Variants in MAGI2 observed in about 807,000 individuals in gnomAD.
MAGI2 encodes membrane-associated guanylate kinase, WW and PDZ domain-containing protein 2.
In MAGI2, 35 loss-of-function variants were observed where a neutral mutation model predicts 133.3. That is an observed-to-expected ratio of 0.26 (90% confidence interval 0.20 to 0.35). MAGI2 has a LOEUF of 0.35. Among genes scored for constraint, MAGI2 ranks in the 10% least tolerant of loss-of-function variants. MAGI2 has a pLI of 1.00. For synonymous variants in MAGI2, 729 were observed against 710.6 expected, an observed-to-expected ratio of 1.03 and a Z score of -0.41; for missense variants, 1,636 against 1,863.4, an observed-to-expected ratio of 0.88 and a Z score of 2.25.
chr7:79,183,827 T>C lies in MAGI2; in HGVS notation c.302-176621A>G, dbSNP rs1382510132. ...CCTTTAAAAACAGGTAATTCTGTCA[T>C]TTGTGACAACATGAATGAAATTGGA... On this transcript the variant is annotated intron_variant, in intron 1 of 21. Coordinates refer to ENST00000354212, the MANE Select transcript of MAGI2 (RefSeq NM_012301.4). 5.3e-5 allele frequency among the ~76,000 whole-genome samples: 8 copies of C among 151,990 alleles called. No homozygotes were observed. In the East Asian group the frequency reaches 1.5e-3, roughly 29 times the overall value.
chr7:78,216,470 G>A (rs1197419232), intron 10 of MAGI2, among the ~76,000 whole-genome samples: 2 of 152,172 alleles, frequency 1.3e-5, no homozygotes, highest in Non-Finnish European at 2.9e-5. Flanking sequence ...AAAATCCTTT[G>A]TAGGACCCTA....
intron 1 of MAGI2, among the ~76,000 whole-genome samples, chr7:79,400,010 G>A (rs1386139631): frequency 6.6e-6 from 1 of 152,178 alleles, no homozygotes; most frequent in African/African-American, 2.4e-5. Flanking sequence ...TGTGAGTGCA[G>A]CAAAGGCTGT....
chr7:78,019,191 T>C lies in MAGI2; in HGVS notation c.*124A>G. The C allele has an allele frequency of 8.6e-7, 1 of 1,168,562 alleles. No homozygotes were observed. Among genetic ancestry groups the C allele is most frequent in the Non-Finnish European group, 1.2e-6 (1 of 836,366 alleles). The allele number at this position is 1,168,562 out of a possible 1,614,324, so 72.4% of individuals were successfully genotyped here. A position where few individuals can be genotyped will look rare whatever the true frequency, so the allele number is the denominator to read the frequency against. On this transcript the variant is annotated 3_prime_UTR_variant, in exon 22 of 22. Transcript: ENST00000354212. ...GACACGTGGGACTTCACGTCGATGC[T>C]CCCAGGCCTTGGTGCCTCGTGGATC...
chr7:78,541,742 CA>C (rs537176361), intron 3 of MAGI2, among the ~76,000 whole-genome samples: 375 of 152,250 alleles, frequency 2.5e-3, no homozygotes, highest in African/African-American at 8.8e-3. Flanking sequence ...ATCTAAGAAC[CA>C]CTGTCTTTGA....
At chr7:78,147,730 C>T (rs373297734) in intron 16 of MAGI2, among the ~76,000 whole-genome samples, 23 of 151,814 alleles carry the variant, frequency 1.5e-4, no homozygotes, top group South Asian at 1.0e-3. Flanking sequence ...TAGAGAAAAA[C>T]GCAAACTAAA....
intron 16 of MAGI2, among the ~76,000 whole-genome samples, chr7:78,158,565 A>G (rs761514667): frequency 5.9e-5 from 9 of 152,166 alleles, no homozygotes; most frequent in Non-Finnish European, 1.0e-4. Flanking sequence ...AACCGAGGAA[A>G]CTATGACAGT....
intron 2 of MAGI2, among the ~76,000 whole-genome samples, chr7:78,784,720 T>A (rs1443403839): frequency 6.6e-6 from 1 of 152,222 alleles, no homozygotes; most frequent in African/African-American, 2.4e-5. Context: ...GGATGTCTAT[T>A]CTTCATGAAG....
chr7:78,461,452 A>T (rs956919054), intron 6 of MAGI2, among the ~76,000 whole-genome samples: 1 of 150,546 alleles, frequency 6.6e-6, no homozygotes, highest in Non-Finnish European at 1.5e-5. Flanking sequence ...TGGTTAGAAG[A>T]ATCAGATTTA....
At chr7:78,771,984 A>T (rs1002916766) in intron 2 of MAGI2, among the ~76,000 whole-genome samples, 26 of 152,210 alleles carry the variant, frequency 1.7e-4, no homozygotes, top group Non-Finnish European at 1.8e-4. Flanking sequence ...AACCCAATCA[A>T]GCAAGCCTAG....
chr7:78,080,282 GTATAC>G (rs1815809077), intron 20 of MAGI2, among the ~76,000 whole-genome samples: 1 of 152,224 alleles, frequency 6.6e-6, no homozygotes, highest in Non-Finnish European at 1.5e-5. Context: ...ACCTTCCTTT[GTATAC>G]TCAGCTGCCT....
At chr7:78,549,994 C>T (rs1014693562) in intron 3 of MAGI2, among the ~76,000 whole-genome samples, 2 of 152,098 alleles carry the variant, frequency 1.3e-5, no homozygotes, top group South Asian at 4.1e-4. Flanking sequence ...CAGGGTGAAG[C>T]CCACGTAAGT....
chr7:78,157,122 A>G (rs1446337185), intron 16 of MAGI2, among the ~76,000 whole-genome samples: 1 of 152,240 alleles, frequency 6.6e-6, no homozygotes, highest in Admixed American at 6.5e-5. Context: ...ATGAGGTAGC[A>G]TCAGCTCCAG....
chr7:78,875,718 C>T (rs565465), intron 2 of MAGI2, among the ~76,000 whole-genome samples: 82,394 of 151,830 alleles, frequency 0.54, 24,163 homozygotes, highest in Middle Eastern at 0.7. Context: ...TAGTGACCCA[C>T]ATTAAAAAAA....
intron 7 of MAGI2, among the ~76,000 whole-genome samples, chr7:78,355,763 T>C (rs143876153): frequency 1.1e-3 from 162 of 152,334 alleles, no homozygotes; most frequent in African/African-American, 3.7e-3. Flanking sequence ...TCAATTTCTT[T>C]TTATCAGTTT....
chr7:78,374,727 C>G (rs1794271615), intron 6 of MAGI2, among the ~76,000 whole-genome samples: 1 of 151,988 alleles, frequency 6.6e-6, no homozygotes, highest in Non-Finnish European at 1.5e-5. Flanking sequence ...CATGGTCACA[C>G]TATATATTAA....
At chr7:78,876,519 A>T (rs570203281) in intron 2 of MAGI2, among the ~76,000 whole-genome samples, 1 of 152,216 alleles carries the variant, frequency 6.6e-6, no homozygotes, top group African/African-American at 2.4e-5. Flanking sequence ...CAATTAACCC[A>T]AAGCAGGAGA....
chr7:78,882,115 A>AAAAAAAG (rs1795918606), intron 2 of MAGI2, among the ~76,000 whole-genome samples: 3 of 93,732 alleles, frequency 3.2e-5, no homozygotes, highest in African/African-American at 6.4e-5. Flanking sequence ...AAAAGAAAAG[A>AAAAAAAG]AAAACAAAAA....
At chr7:79,258,585 T>C (rs754598209) in intron 1 of MAGI2, among the ~76,000 whole-genome samples, 4 of 152,354 alleles carry the variant, frequency 2.6e-5, no homozygotes, top group Non-Finnish European at 5.9e-5. Flanking sequence ...CTGCATCAAC[T>C]GATTTCATCC....
At chr7:78,365,719 T>C (rs1444096402) in intron 7 of MAGI2, among the ~76,000 whole-genome samples, 1 of 152,190 alleles carries the variant, frequency 6.6e-6, no homozygotes, top group Admixed American at 6.5e-5. Context: ...AAAATTGAAT[T>C]TGCAGGGGAT....
Sources: gnomAD v4.1 joint callset for allele counts (sites outside exome capture counted in the v4.1 genomes callset) on GRCh38, gnomAD v4.1.1 for gene constraint, MANE v1.5 for transcripts, NCBI Gene and HGNC (gene_info 2026-07-23, HGNC 2026-07-21) for gene names.